Variants in LYZL4 observed in about 807,000 individuals in gnomAD.
LYZL4 encodes the protein lysozyme-like protein 4.
A neutral mutation model predicts 17.6 loss-of-function variants in LYZL4; 13 were observed. That is an observed-to-expected ratio of 0.74 (90% CI 0.48 to 1.18). The LOEUF (loss-of-function observed/expected upper bound fraction) is 1.18, where lower values mean the gene tolerates loss of function less well. Among genes scored for constraint, LYZL4 ranks in the 50% most tolerant of loss-of-function variants. The pLI is 0.00. For missense variants in LYZL4, 174 were observed against 188.2 expected (o/e 0.92, Z 0.44); for synonymous variants, 64 against 67.7 (o/e 0.95, Z 0.27).
rs559317623 is a variant in LYZL4, at chr3:42,398,719, T to C, written c.372-1385A>G. On this transcript the variant is annotated intron_variant, in intron 4 of 4. Transcript: ENST00000287748. ...TAACTTATTTAACAAAAATTTAATA[T>C]AGGGCTTAATTTGTGTGTGTGCCAG... is the stretch of plus-strand genomic sequence containing the variant. Among the ~76,000 whole-genome samples, 5 of 152,286 alleles carry C rather than the reference T, an allele frequency of 3.3e-5. No individual in the cohort carries two copies. In the East Asian group the frequency reaches 9.7e-4, roughly 29 times the overall value.
chr3:42,382,942 C>T, the LYZL4 span, among the ~76,000 whole-genome samples: 27 of 151,982 alleles, frequency 1.8e-4, no homozygotes, highest in South Asian at 2.1e-3. Context: ...CAGGAACAAC[C>T]GGCAGCAGTG....
intron 1 of LYZL4, among the ~76,000 whole-genome samples, chr3:42,409,692 C>T (rs1698829000): frequency 6.6e-6 from 1 of 152,258 alleles, no homozygotes; most frequent in Non-Finnish European, 1.5e-5. Flanking sequence ...CTACTACATA[C>T]TCCTCTCTGT....
At chr3:42,382,859 C>A in the LYZL4 span, among the ~76,000 whole-genome samples, 1 of 152,020 alleles carries the variant, frequency 6.6e-6, no homozygotes, top group East Asian at 1.9e-4. Flanking sequence ...CTGTAGCAGA[C>A]CCTAGAAAGC....
chr3:42,379,206 A>G, the LYZL4 span, among the ~76,000 whole-genome samples: 4 of 152,154 alleles, frequency 2.6e-5, no homozygotes, highest in African/African-American at 4.8e-5. Flanking sequence ...AGGAAGATCT[A>G]CTTCCAAACT....
chr3:42,370,484 C>T, the LYZL4 span, among the ~76,000 whole-genome samples: 7 of 152,266 alleles, frequency 4.6e-5, no homozygotes, highest in Non-Finnish European at 5.9e-5. Flanking sequence ...CAAAGAGATA[C>T]GTATTACAGA....
chr3:42,397,385 C>G, intron 4 of LYZL4, 51 bp from the exon 5 acceptor site: 1 of 1,327,160 alleles, frequency 7.5e-7, no homozygotes. Context: ...AACTCAGGGT[C>G]TCCAGGGCTT....
At chr3:42,383,400 C>T in the LYZL4 span, among the ~76,000 whole-genome samples, 16 of 150,432 alleles carry the variant, frequency 1.1e-4, no homozygotes, top group African/African-American at 3.9e-4. Flanking sequence ...ATGGTGAACC[C>T]CATCATCTCC....
chr3:42,407,974 T>C (rs1383098321), intron 1 of LYZL4, among the ~76,000 whole-genome samples: 1 of 152,144 alleles, frequency 6.6e-6, no homozygotes, highest in African/African-American at 2.4e-5. Flanking sequence ...TCTTTAAAAG[T>C]GGGGTCACTT....
downstream of LYZL4, among the ~76,000 whole-genome samples, chr3:42,396,065 A>C (rs112340006): frequency 5.4e-3 from 820 of 152,330 alleles, 8 homozygotes; most frequent in African/African-American, 0.019. Context: ...TCTGTCTCAA[A>C]AAAAAGAAAA....
At chr3:42,366,488 C>T in the LYZL4 span, among the ~76,000 whole-genome samples, 1 of 152,342 alleles carries the variant, frequency 6.6e-6, no homozygotes, top group Admixed American at 6.5e-5. Flanking sequence ...TTGATTTGCT[C>T]AAGCTGTTCC....
chr3:42,360,947 T>C, the LYZL4 span, among the ~76,000 whole-genome samples: 1 of 152,220 alleles, frequency 6.6e-6, no homozygotes, highest in Non-Finnish European at 1.5e-5. Context: ...AAGTTTGTCT[T>C]TTCTTTCTTT....
the LYZL4 span, among the ~76,000 whole-genome samples, chr3:42,382,894 G>A: frequency 0.57 from 85,904 of 151,804 alleles, 25,999 homozygotes; most frequent in East Asian, 0.78. Context: ...GCATAGAACA[G>A]ACACAGCCGG....
chr3:42,399,325 A>C (rs1172168302), intron 4 of LYZL4, among the ~76,000 whole-genome samples: 1 of 152,220 alleles, frequency 6.6e-6, no homozygotes, highest in Non-Finnish European at 1.5e-5. Flanking sequence ...CCTTCAAGGG[A>C]TTTCTCTAAG....
At chr3:42,378,329 G>C in the LYZL4 span, among the ~76,000 whole-genome samples, 1 of 152,198 alleles carries the variant, frequency 6.6e-6, no homozygotes, top group African/African-American at 2.4e-5. Flanking sequence ...TTAACTCCCA[G>C]TGGCCTCAGA....
rs1350178772 is a variant in LYZL4 at position 42,407,215 on chromosome 3, G to A, written c.37C>T (p.Leu13=). The part of the protein sequence containing the change: ...ASVVLSLLGY[L]VVPSGAYILG... ...ATGTAAGCACCACTTGGAACCACCAGGTAGCCAAGGAGGGAGAGAACCACG... is the reference window on the plus strand; with the variant it reads ...ATGTAAGCACCACTTGGAACCACCAAGTAGCCAAGGAGGGAGAGAACCACG... The change falls in exon 2 of 5, where the codon CTG becomes TTG. Residue 13 remains leucine, a synonymous_variant. Coordinates refer to ENST00000287748, the MANE Select transcript of LYZL4 (RefSeq NM_144634.4). 2 of 1,614,146 alleles carry A rather than the reference G, an allele frequency of 1.2e-6. No homozygotes were observed. The highest frequency in any genetic ancestry group is 2.2e-5 in the South Asian group (2 of 91,074).
the LYZL4 span, among the ~76,000 whole-genome samples, chr3:42,377,709 G>A: frequency 6.6e-6 from 1 of 151,656 alleles, no homozygotes; most frequent in East Asian, 1.9e-4. Flanking sequence ...CAGAAAGTGA[G>A]GTAATTTGAC....
At chr3:42,396,078 A>G (rs1441489219), downstream of LYZL4, among the ~76,000 whole-genome samples, 1 of 152,206 alleles carries the variant, frequency 6.6e-6, no homozygotes, top group Admixed American at 6.5e-5. Flanking sequence ...AAAGAAAAGA[A>G]AAAAAGAAAA....
chr3:42,408,185 G>C (rs925363799), intron 1 of LYZL4, among the ~76,000 whole-genome samples: 1 of 152,100 alleles, frequency 6.6e-6, no homozygotes, highest in Non-Finnish European at 1.5e-5. Context: ...CCCCAAAGCA[G>C]GTACAAAATA....
chr3:42,386,395 G>GCACCCC, the LYZL4 span, among the ~76,000 whole-genome samples: 1 of 107,462 alleles, frequency 9.3e-6, no homozygotes, highest in Non-Finnish European at 1.9e-5. Context: ...GAGCCACCAC[G>GCACCCC]CCCCCCCCCC....
Sources: gnomAD v4.1 joint callset for allele counts (sites outside exome capture counted in the v4.1 genomes callset) on GRCh38, gnomAD v4.1.1 for gene constraint, MANE v1.5 for transcripts, NCBI Gene and HGNC (gene_info 2026-07-23, HGNC 2026-07-21) for gene names.